The following SCN4B variants were observed in gnomAD, a reference collection of about 807,000 sequenced individuals.
SCN4B encodes sodium channel regulatory subunit beta-4.
In SCN4B, 20 loss-of-function variants were observed where a neutral mutation model predicts 19.6. The observed-to-expected ratio is 1.02, with a 90% CI of 0.72 to 1.48. The LOEUF is 1.48. SCN4B is among the 40% of genes most tolerant of loss of function. The pLI, the probability that SCN4B is intolerant of heterozygous loss-of-function variation, is 0.00. For synonymous variants in SCN4B, 127 were observed against 122.8 expected, an observed-to-expected ratio of 1.03 and a Z score of -0.22; for missense variants, 271 against 287.5, an observed-to-expected ratio of 0.94 and a Z score of 0.42.
intron 2 of SCN4B, 35 bp from the exon 3 acceptor site, chr11:118,144,096 C>A: frequency 6.9e-7 from 1 of 1,458,744 alleles, no homozygotes. Context: ...GAGAAAGTAG[C>A]CGAGAAAGAA....
At chr11:118,138,604 C>T (rs1049099127) in intron 4 of SCN4B, among the ~76,000 whole-genome samples, 2 of 152,126 alleles carry the variant, frequency 1.3e-5, no homozygotes, top group Non-Finnish European at 2.9e-5. Context: ...TACTGAGAAC[C>T]TACTGGGTAC....
intron 3 of SCN4B, 33 bp downstream of exon 3, chr11:118,143,800 C>A: frequency 1.3e-6 from 2 of 1,540,512 alleles, no homozygotes; most frequent in Non-Finnish European, 1.8e-6. Flanking sequence ...GTCCTTCCCA[C>A]GCCACTGCCC....
At chr11:118,149,474 A>G (rs1369387326) in intron 1 of SCN4B, among the ~76,000 whole-genome samples, 1 of 152,226 alleles carries the variant, frequency 6.6e-6, no homozygotes, top group Non-Finnish European at 1.5e-5. Context: ...CCTGGGGTGC[A>G]GGCCCTGGGG....
intron 2 of SCN4B, 37 bp from the exon 3 acceptor site, chr11:118,144,098 G>GAGAATCT (rs1565456193): frequency 1.4e-6 from 2 of 1,439,278 alleles, no homozygotes; most frequent in Non-Finnish European, 2.0e-6. Context: ...GAAAGTAGCC[G>GAGAATCT]AGAAAGAATC....
intron 4 of SCN4B, among the ~76,000 whole-genome samples, chr11:118,140,150 G>A (rs1202037243): frequency 6.6e-6 from 1 of 152,082 alleles, no homozygotes; most frequent in African/African-American, 2.4e-5. Context: ...AGTAAGACTG[G>A]TTATGAAAAA....
chr11:118,147,584 C>T (rs1304090717), intron 1 of SCN4B, among the ~76,000 whole-genome samples: 2 of 152,186 alleles, frequency 1.3e-5, no homozygotes, highest in African/African-American at 4.8e-5. Flanking sequence ...CCCTCCTCCG[C>T]CCCATCTCCC....
intron 1 of SCN4B, among the ~76,000 whole-genome samples, 167 bp downstream of exon 1, chr11:118,152,446 C>T (rs1270633501): frequency 3.9e-5 from 6 of 152,206 alleles, no homozygotes; most frequent in Non-Finnish European, 8.8e-5. Context: ...CCCCAGGGAG[C>T]ACAGCCTATG....
In SCN4B at chr11:118,152,571, TG is replaced by T. The variant is rs752240436; in HGVS notation, c.61+41del. On this transcript the variant is annotated intron_variant, in intron 1 of 4. Coordinates refer to ENST00000324727, the MANE Select transcript of SCN4B (RefSeq NM_174934.4). Reference sequence around the variant, plus strand: ...TCTCGAGTGTCCCCTTCTTTGGGGGTGGGGGGAGGCAAGAGAAGAGACCAAG... The same window carrying T: ...TCTCGAGTGTCCCCTTCTTTGGGGGTGGGGGAGGCAAGAGAAGAGACCAAG... The T allele has an allele frequency of 5.1e-5, 78 of 1,524,652 alleles. No homozygotes were observed. The African/African-American group carries it at 8.5e-4, about 17-fold the overall frequency. 94.4% of individuals were successfully genotyped at this position (1,524,652 alleles called of 1,614,324 possible). A position where few individuals can be genotyped will look rare whatever the true frequency, so the allele number is the denominator to read the frequency against.
In SCN4B at chr11:118,152,751, G is replaced by T; in HGVS notation, c.-78C>A. 8.3e-7 allele frequency: 1 copy of T among 1,206,900 alleles called. No homozygotes were observed. The highest frequency in any genetic ancestry group is 1.2e-6 in the Non-Finnish European group (1 of 867,838). 74.8% of individuals were successfully genotyped at this position (1,206,900 alleles called of 1,614,324 possible). A position where few individuals can be genotyped will look rare whatever the true frequency, so the allele number is the denominator to read the frequency against. On this transcript the variant is annotated 5_prime_UTR_variant, in exon 1 of 5. Coordinates refer to ENST00000324727, the MANE Select transcript of SCN4B (RefSeq NM_174934.4). ...CAGCCGCGCTCTCCGCCCGAGGTCG[G>T]CGTTCGGCCACAAAGCTACCCCGGA...
chr11:118,142,758 A>C (rs1476975377), intron 3 of SCN4B: 2 of 152,224 alleles, frequency 1.3e-5, no homozygotes, highest in Non-Finnish European at 2.9e-5. Flanking sequence ...AGGAGCTAAA[A>C]TCAATGACAG....
Position 118,136,885 on chromosome 11 carries a change from T to C in SCN4B, c.*142A>G, listed in dbSNP as rs1232031084. 7.0e-6 allele frequency: 5 copies of C among 711,744 alleles called. No homozygotes were observed. Among genetic ancestry groups the C allele is most frequent in the Non-Finnish European group, 1.0e-5 (4 of 391,026 alleles). The allele number at this position is 711,744 out of a possible 1,614,324, so 44.1% of individuals were successfully genotyped here. On this transcript the variant is annotated 3_prime_UTR_variant, in exon 5 of 5. Coordinates refer to ENST00000324727, the MANE Select transcript of SCN4B (RefSeq NM_174934.4). ...AGGGGATGGGCAGGCTGGGCAGGAC[T>C]CTGGTTTCTTGTGCCCGGAAAGACT...
At position 118,135,590 on chromosome 11, in the gene SCN4B, T is replaced by C. The variant is rs1384980313; in HGVS notation, c.*1437A>G. On this transcript the variant is annotated 3_prime_UTR_variant, in exon 5 of 5. Coordinates refer to ENST00000324727, the MANE Select transcript of SCN4B (RefSeq NM_174934.4). ...ATCACCACCTCCCCCTAGGGCAGGC[T>C]AGAAACCCCAATGGGAGCACCTGGC... 2 of 453,926 alleles carry C rather than the reference T, an allele frequency of 4.4e-6. No individual in the cohort carries two copies. The highest frequency in any genetic ancestry group is 2.0e-5 in the African/African-American group (1 of 49,942). 28.1% of individuals were successfully genotyped at this position (453,926 alleles called of 1,614,324 possible). A position where few individuals can be genotyped will look rare whatever the true frequency, so the allele number is the denominator to read the frequency against.
At position 118,148,896 on chromosome 11, in the gene SCN4B, G is replaced by T. The variant is rs1327766518; in HGVS notation, c.62-3667C>A. Reference sequence around the variant, plus strand: ...TGTTAAAGTGTACGTGTGTGTGTGTGTGAGAGTGGGGGGCCTCTTTCCGGC... The same window carrying T: ...TGTTAAAGTGTACGTGTGTGTGTGTTTGAGAGTGGGGGGCCTCTTTCCGGC... On this transcript the variant is annotated intron_variant, in intron 1 of 4. Coordinates refer to ENST00000324727, the MANE Select transcript of SCN4B (RefSeq NM_174934.4). The surrounding 1 kb of genome is among the most constrained non-coding windows in gnomAD (Gnocchi z 4.0). 6.6e-6 allele frequency among the ~76,000 whole-genome samples: 1 copy of T among 152,182 alleles called. No homozygotes were observed. Among genetic ancestry groups the T allele is most frequent in the Non-Finnish European group, 1.5e-5 (1 of 68,040 alleles).
chr11:118,144,916 A>G, intron 2 of SCN4B, 141 bp downstream of exon 2: 1 of 841,580 alleles, frequency 1.2e-6, no homozygotes, highest in Non-Finnish European at 2.1e-6. Flanking sequence ...AGGCTCTGAA[A>G]AGAATACTGG....
Position 118,134,014 on chromosome 11 carries a change from C to T in SCN4B, c.*3013G>A, listed in dbSNP as rs907648994. On this transcript the variant is annotated 3_prime_UTR_variant, in exon 5 of 5. Coordinates refer to ENST00000324727, the MANE Select transcript of SCN4B (RefSeq NM_174934.4). ...GCCATGCACCCACACTGCCTGCACACGCACACTCCACACAAGCACACCCCA... is the reference window on the plus strand; with the variant it reads ...GCCATGCACCCACACTGCCTGCACATGCACACTCCACACAAGCACACCCCA... The T allele has an allele frequency of 1.3e-5, 6 of 454,664 alleles. No individual in the cohort carries two copies. Among genetic ancestry groups the T allele is most frequent in the African/African-American group, 2.0e-5 (1 of 50,010 alleles). 28.2% of individuals were successfully genotyped at this position (454,664 alleles called of 1,614,324 possible).
Position 118,135,728 on chromosome 11 carries a change from T to C in SCN4B, c.*1299A>G. On this transcript the variant is annotated 3_prime_UTR_variant, in exon 5 of 5. Transcript: ENST00000324727. ...CCAGCACCACACCAGACTCTGCTGT[T>C]ATGTCAGGACATACCGTCTAGAGAG... 1 of 454,540 alleles carries C rather than the reference T, an allele frequency of 2.2e-6. No homozygotes were observed. Among genetic ancestry groups the C allele is most frequent in the Non-Finnish European group, 4.4e-6 (1 of 226,794 alleles). 28.2% of individuals were successfully genotyped at this position (454,540 alleles called of 1,614,324 possible). A position where few individuals can be genotyped will look rare whatever the true frequency, so the allele number is the denominator to read the frequency against.
At position 118,134,771 on chromosome 11, in the gene SCN4B, G is replaced by A. The variant is rs1423993532; in HGVS notation, c.*2256C>T. On this transcript the variant is annotated 3_prime_UTR_variant, in exon 5 of 5. Transcript: ENST00000324727. ...ACAGGACAGACTTGGAACTATCCCT[G>A]CAATTAATACCTGGCTTCCCAGATC... is the stretch of plus-strand genomic sequence containing the variant. The A allele has an allele frequency of 4.4e-6, 2 of 454,100 alleles. No homozygotes were observed. Among genetic ancestry groups the A allele is most frequent in the South Asian group, 3.1e-5 (2 of 64,478 alleles). The allele number at this position is 454,100 out of a possible 1,614,324, so 28.1% of individuals were successfully genotyped here.
chr11:118,151,946 CCAGGAGCAGGTCAAA>C (rs1948236677), intron 1 of SCN4B, among the ~76,000 whole-genome samples: 1 of 152,168 alleles, frequency 6.6e-6, no homozygotes, highest in South Asian at 2.1e-4. Context: ...AAATGAAGAG[CCAGGAGCAGGTCAAA>C]CAGGTCTTCC....
rs1307955180 is a variant in SCN4B, at chr11:118,152,746, G to C, written c.-73C>G. On this transcript the variant is annotated 5_prime_UTR_variant, in exon 1 of 5. Transcript: ENST00000324727. Reference sequence around the variant, plus strand: ...GGGCACAGCCGCGCTCTCCGCCCGAGGTCGGCGTTCGGCCACAAAGCTACC... The same window carrying C: ...GGGCACAGCCGCGCTCTCCGCCCGACGTCGGCGTTCGGCCACAAAGCTACC... 24 of 1,277,574 alleles carry C rather than the reference G, an allele frequency of 1.9e-5. No homozygotes were observed. The Admixed American group carries it at 5.4e-4, about 29-fold the overall frequency. 79.1% of individuals were successfully genotyped at this position (1,277,574 alleles called of 1,614,324 possible). A position where few individuals can be genotyped will look rare whatever the true frequency, so the allele number is the denominator to read the frequency against.
Sources: allele counts gnomAD v4.1 joint callset (sites outside exome capture counted in the v4.1 genomes callset), GRCh38; gene constraint gnomAD v4.1.1; non-coding constraint Gnocchi (gnomAD v3.1); transcripts MANE v1.5; gene names NCBI Gene and HGNC (gene_info 2026-07-23, HGNC 2026-07-21).